The following RASGEF1A variants were observed in gnomAD, a reference collection of about 807,000 sequenced individuals.
RASGEF1A encodes RasGEF domain family member 1A.
In RASGEF1A, 18 loss-of-function variants were observed where a neutral mutation model predicts 56.4. The ratio of observed to expected loss-of-function variants is 0.32; its 90% confidence interval spans 0.22 to 0.47. The LOEUF (loss-of-function observed/expected upper bound fraction) is 0.47. RASGEF1A is among the 20% of genes least tolerant of loss of function. The probability of loss-of-function intolerance (pLI) is 1.00; values close to 1 mark genes in which losing one functional copy is unlikely to be tolerated. For synonymous variants in RASGEF1A, 245 were observed against 242.6 expected, an observed-to-expected ratio of 1.01 and a Z score of -0.09; for missense variants, 422 against 627.1, an observed-to-expected ratio of 0.67 and a Z score of 3.49.
rs755412351 is a variant in RASGEF1A, at chr10:43,199,735, C to T, written c.790G>A (p.Glu264Lys). Residue 264 changes from glutamate (E) to lysine (K), a missense_variant, in exon 7 of 13, where the codon GAG (glutamate) becomes AAG (lysine). Transcript: ENST00000395810. ...CAGTTGAACCAGTTGTCATAGGCCT[C>T]CAGGCTGTAGGTCTTGGTCAGGTCC... ...RGDLTKTYSL[E>K]AYDNWFNCLS... 1 of 1,613,714 alleles carries T rather than the reference C, an allele frequency of 6.2e-7. No homozygotes were observed. Among genetic ancestry groups the T allele is most frequent in the Non-Finnish European group, 8.5e-7 (1 of 1,180,014 alleles).
chr10:43,203,921 C>T (rs1041831678), intron 2 of RASGEF1A: 15 of 291,318 alleles, frequency 5.1e-5, no homozygotes, highest in East Asian at 1.7e-4. Flanking sequence ...GGGCGGGGCC[C>T]CATCAGCAGG....
intron 1 of RASGEF1A, among the ~76,000 whole-genome samples, chr10:43,240,954 G>A (rs1179258364): frequency 6.6e-6 from 1 of 152,174 alleles, no homozygotes; most frequent in Non-Finnish European, 1.5e-5. Flanking sequence ...AAGAAAAGAG[G>A]TGTCAACCAT....
At chr10:43,263,419 C>T (rs1048143618) in intron 1 of RASGEF1A, among the ~76,000 whole-genome samples, 1 of 152,146 alleles carries the variant, frequency 6.6e-6, no homozygotes, top group African/African-American at 2.4e-5. Context: ...GACCAGGGTG[C>T]GGACGGCTGA....
rs371001478 is a variant in RASGEF1A at position 43,203,316 on chromosome 10, C to A, written c.303G>T (p.Leu101=). 70 of 1,563,800 alleles carry A rather than the reference C, an allele frequency of 4.5e-5. No individual in the cohort carries two copies. In the African/African-American group the frequency reaches 8.1e-4, roughly 18 times the overall value. Residue 101 remains leucine (L), a synonymous_variant, in exon 3 of 13, where the codon CTG becomes CTT. Coordinates refer to ENST00000395810, the MANE Select transcript of RASGEF1A (RefSeq NM_145313.4). ...GCCTCACCTTTTCAGGCCCGGCTTCCAGCTGCTGCTTCTGCTCCACGCAGA... is the reference window on the plus strand; with the variant it reads ...GCCTCACCTTTTCAGGCCCGGCTTCAAGCTGCTGCTTCTGCTCCACGCAGA... ...GQICVEQKQQ[L]EAGPEKAKLK...
chr10:43,243,935 T>A (rs1840539047), intron 1 of RASGEF1A, among the ~76,000 whole-genome samples: 1 of 151,834 alleles, frequency 6.6e-6, no homozygotes, highest in African/African-American at 2.4e-5. Flanking sequence ...GGTGGTTTTG[T>A]TGAAAAGAAA....
At chr10:43,255,209 T>G (rs1488490042) in intron 1 of RASGEF1A, among the ~76,000 whole-genome samples, 1 of 152,166 alleles carries the variant, frequency 6.6e-6, no homozygotes, top group Admixed American at 6.5e-5. Context: ...AAAGTCACTA[T>G]GCTGCACGGC....
At chr10:43,218,328 G>A (rs1840163305) in intron 1 of RASGEF1A, among the ~76,000 whole-genome samples, 1 of 152,256 alleles carries the variant, frequency 6.6e-6, no homozygotes, top group Non-Finnish European at 1.5e-5. Flanking sequence ...GTGAGGAGAA[G>A]CTGCCTCCTG....
intron 1 of RASGEF1A, among the ~76,000 whole-genome samples, chr10:43,217,682 G>C (rs568009828): frequency 1.3e-5 from 2 of 152,340 alleles, no homozygotes; most frequent in East Asian, 3.9e-4. Flanking sequence ...AGAGGGACTA[G>C]AGCCAGGACT....
At chr10:43,264,745 T>C (rs1407919219) in intron 1 of RASGEF1A, among the ~76,000 whole-genome samples, 3 of 151,590 alleles carry the variant, frequency 2.0e-5, no homozygotes, top group Non-Finnish European at 4.4e-5. Flanking sequence ...CCCTGGCACC[T>C]ACCCCCAGCA....
chr10:43,245,168 C>T (rs1337106668), intron 1 of RASGEF1A, among the ~76,000 whole-genome samples: 3 of 152,078 alleles, frequency 2.0e-5, no homozygotes, highest in African/African-American at 7.2e-5. Context: ...ATACTATGAA[C>T]AGCTGTTTGC....
At chr10:43,197,156 G>T in intron 10 of RASGEF1A, 57 bp from the exon 11 acceptor site, 2 of 1,591,144 alleles carry the variant, frequency 1.3e-6, no homozygotes, top group Non-Finnish European at 8.6e-7. Context: ...CAAACCCTCG[G>T]TCAGGGCAGG....
chr10:43,247,775 T>C (rs72783248), intron 1 of RASGEF1A, among the ~76,000 whole-genome samples: 12,256 of 152,244 alleles, frequency 0.081, 606 homozygotes, highest in Middle Eastern at 0.11. Context: ...AATTAAGAAG[T>C]TCTGGGCTGG....
In RASGEF1A at chr10:43,195,964, AC is replaced by A. The variant is rs1839789981; in HGVS notation, c.*279del. Reference sequence around the variant, plus strand: ...AATCAAAAGTAGAAAATAAAAATCTACATTTCATTAGAATAAGATGTTATCA... The same window carrying A: ...AATCAAAAGTAGAAAATAAAAATCTAATTTCATTAGAATAAGATGTTATCA... On this transcript the variant is annotated 3_prime_UTR_variant, in exon 13 of 13. Transcript: ENST00000395810. The surrounding 1 kb of genome is among the most constrained non-coding windows in gnomAD (Gnocchi z 4.2). 3.7e-6 allele frequency: 1 copy of A among 273,816 alleles called. No individual in the cohort carries two copies. Among genetic ancestry groups the A allele is most frequent in the African/African-American group, 2.2e-5 (1 of 45,598 alleles). The allele number at this position is 273,816 out of a possible 1,614,324, so 17.0% of individuals were successfully genotyped here.
chr10:43,197,967 T>G, intron 10 of RASGEF1A, 37 bp downstream of exon 10: 1 of 1,549,712 alleles, frequency 6.5e-7, no homozygotes, highest in Non-Finnish European at 8.8e-7. Context: ...GCTCAGACAG[T>G]TTCCGCCTGG....
At chr10:43,244,986 T>TA (rs1032217547) in intron 1 of RASGEF1A, among the ~76,000 whole-genome samples, 9 of 144,786 alleles carry the variant, frequency 6.2e-5, no homozygotes, top group Admixed American at 1.4e-4. Context: ...AAATAGAGAG[T>TA]AAAAAAAAAT....
At chr10:43,199,917 G>T in intron 6 of RASGEF1A, 149 bp from the exon 7 acceptor site, 3 of 750,872 alleles carry the variant, frequency 4.0e-6, no homozygotes, top group Non-Finnish European at 4.4e-6. Flanking sequence ...CCCAGTGCAG[G>T]GCTGGCAGGC....
In RASGEF1A at chr10:43,263,713, G is replaced by A. The variant is rs553264113; in HGVS notation, c.-7+3132C>T. Among the ~76,000 whole-genome samples the A allele has an allele frequency of 4.6e-5, 7 of 152,266 alleles. No homozygotes were observed. In the South Asian group the frequency reaches 6.2e-4, roughly 14 times the overall value. ...GCCCGGGCAGTGCCCAGGGCAGGGCGGGCAACCACAGGTGGGGAGAAGCTT... is the reference window on the plus strand; with the variant it reads ...GCCCGGGCAGTGCCCAGGGCAGGGCAGGCAACCACAGGTGGGGAGAAGCTT... On this transcript the variant is annotated intron_variant, in intron 1 of 12. Coordinates refer to ENST00000395810, the MANE Select transcript of RASGEF1A (RefSeq NM_145313.4).
At chr10:43,259,146 G>T (rs1335920862) in intron 1 of RASGEF1A, among the ~76,000 whole-genome samples, 1 of 152,216 alleles carries the variant, frequency 6.6e-6, no homozygotes, top group Non-Finnish European at 1.5e-5. Flanking sequence ...GCACAGAGAA[G>T]AACCCACAGA....
At chr10:43,263,680 CT>C (rs1836574388) in intron 1 of RASGEF1A, among the ~76,000 whole-genome samples, 1 of 152,196 alleles carries the variant, frequency 6.6e-6, no homozygotes, top group Non-Finnish European at 1.5e-5. Flanking sequence ...AGCTCAGCCC[CT>C]ACCCCAGCCC....
Sources: gnomAD v4.1 joint callset for allele counts (sites outside exome capture counted in the v4.1 genomes callset) on GRCh38, gnomAD v4.1.1 for gene constraint, Gnocchi (gnomAD v3.1) non-coding constraint, MANE v1.5 for transcripts, NCBI Gene and HGNC (gene_info 2026-07-23, HGNC 2026-07-21) for gene names.